ZNF236: variants seen among roughly 807,000 people sequenced by gnomAD.
The protein encoded by ZNF236 is regulated by glucose.
A neutral mutation model predicts 191.2 loss-of-function variants in ZNF236; 50 were observed. That is an observed-to-expected ratio of 0.26 (90% CI 0.21 to 0.33). ZNF236 has a LOEUF of 0.33. Among genes scored for constraint, ZNF236 ranks in the 10% least tolerant of loss-of-function variants. The pLI is 1.00. For synonymous variants in ZNF236, 907 were observed against 928.8 expected, an observed-to-expected ratio of 0.98 and a Z score of 0.43; for missense variants, 1,754 against 2,374.5, an observed-to-expected ratio of 0.74 and a Z score of 5.43.
intron 1 of ZNF236, among the ~76,000 whole-genome samples, chr18:76,831,411 G>A (rs974073365): frequency 6.6e-6 from 1 of 152,144 alleles, no homozygotes; most frequent in Non-Finnish European, 1.5e-5. Context: ...TCTACTGTAT[G>A]GATGTATCAC....
rs1394368176 is a variant in ZNF236 at position 76,968,914 on chromosome 18, G to C, written c.*575G>C. The C allele has an allele frequency of 1.0e-6, 1 of 976,642 alleles. No individual in the cohort carries two copies. The highest frequency in any genetic ancestry group is 6.5e-5 in the Admixed American group (1 of 15,366). 60.5% of individuals were successfully genotyped at this position (976,642 alleles called of 1,614,324 possible). On this transcript the variant is annotated 3_prime_UTR_variant, in exon 31 of 31. Coordinates refer to ENST00000320610, the MANE Select transcript of ZNF236 (RefSeq NM_001306089.2). ...ATAACTGATACCTTGAGAGATGGCT[G>C]GACCAATTCTCTCCATGACAAATGT...
intron 11 of ZNF236, among the ~76,000 whole-genome samples, chr18:76,903,634 ACTGCGTGTGTCACCCT>A (rs1268602577): frequency 1.3e-5 from 2 of 152,232 alleles, no homozygotes; most frequent in South Asian, 2.1e-4. Context: ...TAGAGGACTG[ACTGCGTGTGTCACCCT>A]CTTAACGTTC....
rs1191644138 is a variant in ZNF236, at chr18:76,968,609, G to GT, written c.*271dup. On this transcript the variant is annotated 3_prime_UTR_variant, in exon 31 of 31. Coordinates refer to ENST00000320610, the MANE Select transcript of ZNF236 (RefSeq NM_001306089.2). ...TCCTCCTCAGTCTCCTCCGTGGCTAGTGTGTCTAGTTCACGAAGCAATTAA... is the reference window on the plus strand; with the variant it reads ...TCCTCCTCAGTCTCCTCCGTGGCTAGTTGTGTCTAGTTCACGAAGCAATTAA... 2.5e-6 allele frequency: 3 copies of GT among 1,206,540 alleles called. No homozygotes were observed. The highest frequency in any genetic ancestry group is 4.6e-5 in the Admixed American group (1 of 21,812). 74.7% of individuals were successfully genotyped at this position (1,206,540 alleles called of 1,614,324 possible). A position where few individuals can be genotyped will look rare whatever the true frequency, so the allele number is the denominator to read the frequency against.
At position 76,959,708 on chromosome 18, in the gene ZNF236, G is replaced by A. The variant is rs565428651; in HGVS notation, c.5134G>A (p.Ala1712Thr). The A allele has an allele frequency of 6.2e-7, 1 of 1,613,488 alleles. No homozygotes were observed. Among genetic ancestry groups the A allele is most frequent in the South Asian group, 1.1e-5 (1 of 90,922 alleles). ...CCAGGAGCACATGCAGACACACCAGGCCGGCCCCTCTTTGAGCTCCCAGAA... is the reference window on the plus strand; with the variant it reads ...CCAGGAGCACATGCAGACACACCAGACCGGCCCCTCTTTGAGCTCCCAGAA... ...HLKEHMQTHQ[A>T]GPSLSSQKPR... Residue 1712 changes from alanine (A) to threonine (T), a missense_variant, in exon 29 of 31, where the codon GCC (alanine) becomes ACC (threonine). This residue lies in a region of ZNF236 where 606 missense variants were observed against 761.5 expected (regional missense o/e 0.80). Coordinates refer to ENST00000320610, the MANE Select transcript of ZNF236 (RefSeq NM_001306089.2).
Position 76,961,416 on chromosome 18 carries a change from T to C in ZNF236, c.5419+561T>C, listed in dbSNP as rs546317728. ...GTGTGTGTGTGTGTGTATTTATGTA[T>C]ATAAATACCACAGTTTCTTTATCCA... On this transcript the variant is annotated intron_variant, in intron 30 of 30. Transcript: ENST00000320610. 2.6e-5 allele frequency among the ~76,000 whole-genome samples: 4 copies of C among 151,928 alleles called. No individual in the cohort carries two copies. In the East Asian group the frequency reaches 5.8e-4, roughly 22 times the overall value.
chr18:76,873,591 T>C (rs1236805165), intron 5 of ZNF236, among the ~76,000 whole-genome samples: 3 of 152,148 alleles, frequency 2.0e-5, no homozygotes, highest in Admixed American at 6.5e-5. Context: ...GGTCTTCCAA[T>C]AGCTGTGCCT....
chr18:76,943,645 G>C (rs1968192981), intron 26 of ZNF236, among the ~76,000 whole-genome samples: 1 of 152,144 alleles, frequency 6.6e-6, no homozygotes, highest in Non-Finnish European at 1.5e-5. Flanking sequence ...ATTTGACTGT[G>C]GAGTGACCCA....
intron 3 of ZNF236, among the ~76,000 whole-genome samples, chr18:76,854,757 G>A (rs972231900): frequency 4.6e-5 from 7 of 151,940 alleles, no homozygotes; most frequent in African/African-American, 1.7e-4. Context: ...CCTACAGTTA[G>A]ATTAATTGAA....
intron 1 of ZNF236, among the ~76,000 whole-genome samples, chr18:76,834,037 A>G (rs146392870): frequency 5.2e-4 from 79 of 152,238 alleles, no homozygotes; most frequent in African/African-American, 1.6e-3. Flanking sequence ...TTTAGTATAT[A>G]TAAGACAACT....
chr18:76,879,219 A>G (rs1369342535), intron 7 of ZNF236, among the ~76,000 whole-genome samples: 1 of 152,224 alleles, frequency 6.6e-6, no homozygotes, highest in East Asian at 1.9e-4. Context: ...TATATTCTCA[A>G]TAAAAAGAAA....
At chr18:76,941,308 C>CT (rs1326550853) in intron 26 of ZNF236, among the ~76,000 whole-genome samples, 1 of 152,172 alleles carries the variant, frequency 6.6e-6, no homozygotes, top group East Asian at 1.9e-4. Flanking sequence ...GGCTCCCTGG[C>CT]TTCACACCAG....
chr18:76,947,942 T>C (rs1013431909), intron 27 of ZNF236, among the ~76,000 whole-genome samples: 1 of 152,192 alleles, frequency 6.6e-6, no homozygotes, highest in Non-Finnish European at 1.5e-5. Context: ...TTTAAATTTA[T>C]TAATATCTTA....
At chr18:76,938,163 G>C (rs1968046695) in intron 26 of ZNF236, among the ~76,000 whole-genome samples, 1 of 152,154 alleles carries the variant, frequency 6.6e-6, no homozygotes, top group African/African-American at 2.4e-5. Context: ...GCTGAGGTGG[G>C]AGGATTGCTT....
chr18:76,914,372 C>G (rs1967300286), intron 18 of ZNF236, among the ~76,000 whole-genome samples: 1 of 152,186 alleles, frequency 6.6e-6, no homozygotes, highest in Non-Finnish European at 1.5e-5. Flanking sequence ...TATGAGTAAT[C>G]CTGCTATGCA....
In ZNF236 at chr18:76,968,695, A is replaced by G. The variant is rs1968844943; in HGVS notation, c.*356A>G. The G allele has an allele frequency of 3.0e-6, 3 of 1,016,616 alleles. No individual in the cohort carries two copies. The highest frequency in any genetic ancestry group is 2.0e-4 in the East Asian group (2 of 9,898). The allele number at this position is 1,016,616 out of a possible 1,614,324, so 63.0% of individuals were successfully genotyped here. On this transcript the variant is annotated 3_prime_UTR_variant, in exon 31 of 31. Transcript: ENST00000320610. Reference sequence around the variant, plus strand: ...TATTAGCAAAGACAAAAACGCTAACATTGAAAAAGTATGTCAGATTTTCCT... The same window carrying G: ...TATTAGCAAAGACAAAAACGCTAACGTTGAAAAAGTATGTCAGATTTTCCT...
Position 76,862,857 on chromosome 18 carries a change from C to T in ZNF236, c.364-5828C>T, listed in dbSNP as rs569732201. Among the ~76,000 whole-genome samples the T allele has an allele frequency of 4.6e-5, 7 of 152,206 alleles. No homozygotes were observed. In the East Asian group the frequency reaches 7.7e-4, roughly 17 times the overall value. On this transcript the variant is annotated intron_variant, in intron 3 of 30. Transcript: ENST00000320610. ...ACCCAAAGTGTCTAGGACACAGACA[C>T]GAGCCAGCACAGTCCCTGCTGGAAC...
Position 76,843,927 on chromosome 18 carries a change from G to A in ZNF236, c.56-5599G>A, listed in dbSNP as rs548177097. 5.3e-5 allele frequency among the ~76,000 whole-genome samples: 8 copies of A among 149,682 alleles called. 1 individual carries two copies. The South Asian group carries it at 1.5e-3, about 28-fold the overall frequency. ...GTGCAGTGGTTCACGCCTGTAATAT[G>A]AGCACAAGGAAGAAGGTAGAAGGGA... On this transcript the variant is annotated intron_variant, in intron 1 of 30. Transcript: ENST00000320610.
chr18:76,895,641 A>G (rs1424900123), intron 10 of ZNF236, among the ~76,000 whole-genome samples: 1 of 151,874 alleles, frequency 6.6e-6, no homozygotes, highest in Non-Finnish European at 1.5e-5. Context: ...GGCACTGTGC[A>G]CAGGTACTGC....
In ZNF236 at chr18:76,970,820, T is replaced by C. The variant is rs907901240; in HGVS notation, c.*2481T>C. The C allele has an allele frequency of 6.6e-6, 1 of 152,278 alleles. No individual in the cohort carries two copies. Among genetic ancestry groups the C allele is most frequent in the South Asian group, 2.1e-4 (1 of 4,836 alleles). The allele number at this position is 152,278 out of a possible 1,614,324, so 9.4% of individuals were successfully genotyped here. On this transcript the variant is annotated 3_prime_UTR_variant, in exon 31 of 31. Coordinates refer to ENST00000320610, the MANE Select transcript of ZNF236 (RefSeq NM_001306089.2). ...TTCAGATATTTTTAAGAGAAAACTT[T>C]AGTGGTATTTTCCTTTACCTCTGTG...
Sources: allele counts gnomAD v4.1 joint callset (sites outside exome capture counted in the v4.1 genomes callset), GRCh38; gene constraint gnomAD v4.1.1; regional missense constraint gnomAD v4.1.1; transcripts MANE v1.5; gene names NCBI Gene and HGNC (gene_info 2026-07-23, HGNC 2026-07-21).